Variants in ZNF514 observed in about 807,000 individuals in gnomAD.
ZNF514 encodes zinc finger protein 514.
A neutral mutation model predicts 9.7 loss-of-function variants in ZNF514; 12 were observed. The ratio of observed to expected loss-of-function variants is 1.24; its 90% CI spans 0.79 to 2.01. ZNF514 has a LOEUF of 2.01. Ranked by LOEUF, ZNF514 falls within the 30% of genes most tolerant of loss-of-function variation. ZNF514 has a pLI of 0.00. For synonymous variants in ZNF514, 158 were observed against 163.7 expected (o/e 0.97, Z 0.27); for missense variants, 467 against 465.5 (o/e 1.00, Z -0.03).
intron 4 of ZNF514, 124 bp from the exon 5 acceptor site, chr2:95,150,391 C>T (rs550734018): frequency 3.2e-5 from 36 of 1,108,162 alleles, no homozygotes; most frequent in African/African-American, 3.0e-4. Context: ...CTAAAAGGGA[C>T]GTACAGATTT....
chr2:95,131,238 C>A, the ZNF514 span, among the ~76,000 whole-genome samples: 3 of 152,322 alleles, frequency 2.0e-5, no homozygotes, highest in South Asian at 4.1e-4. Context: ...AATGCCCTAA[C>A]TGTAAGATCT....
At chr2:95,142,476 C>T (rs71427017), downstream of ZNF514, among the ~76,000 whole-genome samples, 1 of 152,126 alleles carries the variant, frequency 6.6e-6, no homozygotes, top group African/African-American at 2.4e-5. Flanking sequence ...AATAGGAATC[C>T]AAATTTGTAA....
chr2:95,148,731 T>G lies in ZNF514; in HGVS notation c.*551A>C. The stretch of plus-strand genomic sequence containing the variant: ...CTCCCACATTACCCACATTCACAGG[T>G]TTTTCTCAGGTATGAATTTTCTGAT... On this transcript the variant is annotated 3_prime_UTR_variant, in exon 5 of 5. Coordinates refer to ENST00000295208, the MANE Select transcript of ZNF514 (RefSeq NM_032788.3). 6.6e-6 allele frequency: 1 copy of G among 152,166 alleles called. No homozygotes were observed. Among genetic ancestry groups the G allele is most frequent in the Non-Finnish European group, 1.5e-5 (1 of 68,056 alleles). The allele number at this position is 152,166 out of a possible 1,614,324, so 9.4% of individuals were successfully genotyped here. A position where few individuals can be genotyped will look rare whatever the true frequency, so the allele number is the denominator to read the frequency against.
chr2:95,142,592 C>T (rs1195940350), downstream of ZNF514, among the ~76,000 whole-genome samples: 1 of 152,192 alleles, frequency 6.6e-6, no homozygotes, highest in Non-Finnish European at 1.5e-5. Context: ...TTTCCCAGGA[C>T]ATCTAGTCTT....
At chr2:95,139,560 C>T in the ZNF514 span, among the ~76,000 whole-genome samples, 1 of 152,062 alleles carries the variant, frequency 6.6e-6, no homozygotes, top group Admixed American at 6.6e-5. Context: ...AATATTTACC[C>T]AATGCCTATA....
chr2:95,138,944 C>G, the ZNF514 span, among the ~76,000 whole-genome samples: 1 of 152,230 alleles, frequency 6.6e-6, no homozygotes, highest in Non-Finnish European at 1.5e-5. Flanking sequence ...CTGCCCTGCA[C>G]AGCCTCAGGA....
At position 95,157,360 on chromosome 2, in the gene ZNF514, G is replaced by A. The variant is rs1419610194; in HGVS notation, c.-16C>T. 5.4e-6 allele frequency: 7 copies of A among 1,289,494 alleles called. No individual in the cohort carries two copies. The African/African-American group carries it at 7.6e-5, about 14-fold the overall frequency. 79.9% of individuals were successfully genotyped at this position (1,289,494 alleles called of 1,614,324 possible). Reference sequence around the variant, plus strand: ...TAAGAATACAACTCACCCGAGGCCTGGCTTTCAGGAATGAATTGGTTGTTC... The same window carrying A: ...TAAGAATACAACTCACCCGAGGCCTAGCTTTCAGGAATGAATTGGTTGTTC... On this transcript the variant is annotated 5_prime_UTR_variant, in exon 2 of 5. Transcript: ENST00000295208.
chr2:95,127,684 C>T, the ZNF514 span, among the ~76,000 whole-genome samples: 2 of 152,212 alleles, frequency 1.3e-5, no homozygotes, highest in East Asian at 1.9e-4. Context: ...GTGGCATGAT[C>T]GCAGCTCACT....
Position 95,149,601 on chromosome 2 carries a change from C to T in ZNF514, c.884G>A (p.Arg295Gln), listed in dbSNP as rs768084740. The T allele has an allele frequency of 3.6e-5, 58 of 1,613,904 alleles. No individual in the cohort carries two copies. In the South Asian group the frequency reaches 4.1e-4, roughly 11 times the overall value. ...AAGGGATGAAGTGTGACCAAAGGCT[C>T]GTCCACATTCATTACATTTGTAGGG... ...EKPYKCNECG[R>Q]AFGHTSSLIK... Residue 295 changes from arginine (R) to glutamine (Q), a missense_variant, in exon 5 of 5, where the codon CGA (arginine) becomes CAA (glutamine). By Grantham distance (43) the Arg-to-Gln change is conservative. Coordinates refer to ENST00000295208, the MANE Select transcript of ZNF514 (RefSeq NM_032788.3).
chr2:95,135,378 TTTCC>T, the ZNF514 span, among the ~76,000 whole-genome samples: 3 of 152,034 alleles, frequency 2.0e-5, no homozygotes, highest in Non-Finnish European at 4.4e-5. Context: ...AATTGTTTTC[TTTCC>T]TTCCTTCCTT....
chr2:95,156,217 C>T (rs1183029267), intron 2 of ZNF514, among the ~76,000 whole-genome samples: 1 of 152,224 alleles, frequency 6.6e-6, no homozygotes, highest in Non-Finnish European at 1.5e-5. Flanking sequence ...AAACCTGAAT[C>T]CCATGCCTAT....
intron 4 of ZNF514, among the ~76,000 whole-genome samples, chr2:95,152,227 T>C (rs774345304): frequency 1.3e-5 from 2 of 152,206 alleles, no homozygotes; most frequent in Non-Finnish European, 2.9e-5. Context: ...AGACTCACCT[T>C]AATCAAGCTT....
At chr2:95,129,728 G>A in the ZNF514 span, among the ~76,000 whole-genome samples, 1 of 152,278 alleles carries the variant, frequency 6.6e-6, no homozygotes, top group African/African-American at 2.4e-5. Flanking sequence ...CCCATTGCCT[G>A]GGAGTAGTGG....
the ZNF514 span, among the ~76,000 whole-genome samples, chr2:95,132,360 A>C: frequency 7.2e-5 from 11 of 152,296 alleles, no homozygotes; most frequent in East Asian, 2.1e-3. Context: ...GCAAAGACGT[A>C]CATGAAAAGA....
chr2:95,144,248 C>CAGAG (rs1673311419), downstream of ZNF514, among the ~76,000 whole-genome samples: 1 of 152,150 alleles, frequency 6.6e-6, no homozygotes, highest in Non-Finnish European at 1.5e-5. Flanking sequence ...GTTTATGCTA[C>CAGAG]AGAGGTGACT....
the ZNF514 span, among the ~76,000 whole-genome samples, chr2:95,133,390 A>G: frequency 6.6e-6 from 1 of 152,192 alleles, no homozygotes; most frequent in Non-Finnish European, 1.5e-5. Flanking sequence ...TGCATGGCTT[A>G]ATTTACACAA....
Position 95,150,039 on chromosome 2 carries a change from C to G in ZNF514, c.446G>C (p.Arg149Thr), listed in dbSNP as rs752473876. 1.2e-6 allele frequency: 2 copies of G among 1,614,172 alleles called. No individual in the cohort carries two copies. Among genetic ancestry groups the G allele is most frequent in the South Asian group, 2.2e-5 (2 of 91,080 alleles). ...CCCAAATCCATTCCATTTATAATCT[C>G]TGCTAAGGGTGGTGGCAGATTTGTG... ...TIHKSATTLS[R>T]DYKWNGFGRS... The change falls in exon 5 of 5, where the codon AGA becomes ACA. Residue 149 changes from arginine (R) to threonine (T), a missense_variant. Transcript: ENST00000295208.
In ZNF514 at chr2:95,149,656, G is replaced by C; in HGVS notation, c.829C>G (p.Leu277Val). 1 of 1,613,828 alleles carries C rather than the reference G, an allele frequency of 6.2e-7. No individual in the cohort carries two copies. Among genetic ancestry groups the C allele is most frequent in the African/African-American group, 1.3e-5 (1 of 74,900 alleles). ...TCTCCAGTGTGAAATCTATAGTGCAGAACAAGAGACGAACTCTGGCTGAAG... is the reference window on the plus strand; with the variant it reads ...TCTCCAGTGTGAAATCTATAGTGCACAACAAGAGACGAACTCTGGCTGAAG... The part of the protein sequence containing the change: ...RAFSQSSSLV[L>V]HYRFHTGEKP... Residue 277 changes from leucine to valine, a missense_variant, in exon 5 of 5, where the codon CTG (leucine) becomes GTG (valine). Leu to Val is a conservative substitution (Grantham distance 32, BLOSUM62 1). Coordinates refer to ENST00000295208, the MANE Select transcript of ZNF514 (RefSeq NM_032788.3).
chr2:95,130,399 A>G, the ZNF514 span, among the ~76,000 whole-genome samples: 1 of 152,194 alleles, frequency 6.6e-6, no homozygotes, highest in Non-Finnish European at 1.5e-5. Context: ...TTATCAGGAG[A>G]CAGGGTTTTG....
Sources: allele counts gnomAD v4.1 joint callset (sites outside exome capture counted in the v4.1 genomes callset), GRCh38; gene constraint gnomAD v4.1.1; transcripts MANE v1.5; gene names NCBI Gene and HGNC (gene_info 2026-07-23, HGNC 2026-07-21).